NFIA: variants seen among roughly 807,000 people sequenced by gnomAD.
The protein encoded by NFIA is nuclear factor I A.
Under a neutral mutation model 62.8 loss-of-function variants are expected in NFIA, and 8 were observed. The ratio of observed to expected loss-of-function variants is 0.13; its 90% CI spans 0.07 to 0.23. The LOEUF is 0.23. NFIA is among the 10% of genes least tolerant of loss of function. NFIA has a pLI of 1.00. For synonymous variants in NFIA, 235 were observed against 238.1 expected (o/e 0.99, Z 0.12); for missense variants, 410 against 642.1 (o/e 0.64, Z 3.91).
chr1:61,394,963 C>T (rs926926315), intron 7 of NFIA, among the ~76,000 whole-genome samples: 14 of 152,156 alleles, frequency 9.2e-5, no homozygotes, highest in African/African-American at 2.6e-4. Context: ...AAAAATTAGC[C>T]GAGCGTGGTG....
At chr1:61,082,091 A>AT, upstream of NFIA, 2 of 1,521,668 alleles carry the variant, frequency 1.3e-6, no homozygotes, top group Non-Finnish European at 1.8e-6. Context: ...GGGGACGAGG[A>AT]AAAGTAGTTT....
chr1:61,123,349 G>A (rs1290065722), intron 2 of NFIA, among the ~76,000 whole-genome samples: 3 of 152,100 alleles, frequency 2.0e-5, no homozygotes, highest in Non-Finnish European at 2.9e-5. Context: ...GATTTCTTTC[G>A]TTTGTATATT....
At chr1:61,389,657 T>G (rs1302620920) in intron 7 of NFIA, among the ~76,000 whole-genome samples, 2 of 152,196 alleles carry the variant, frequency 1.3e-5, no homozygotes, top group Non-Finnish European at 2.9e-5. Context: ...ACAATTACTT[T>G]GTTTTCACAT....
chr1:61,422,481 A>G (rs1468573639), intron 9 of NFIA, among the ~76,000 whole-genome samples: 3 of 152,184 alleles, frequency 2.0e-5, no homozygotes, highest in South Asian at 2.1e-4. Flanking sequence ...GTTTTTGCAG[A>G]TATATCCCTT....
intron 7 of NFIA, among the ~76,000 whole-genome samples, chr1:61,386,681 T>A (rs1664703192): frequency 6.6e-6 from 1 of 152,212 alleles, no homozygotes; most frequent in Non-Finnish European, 1.5e-5. Context: ...TTTGGAAATT[T>A]CACAGCCACC....
At chr1:61,423,175 T>C (rs1160899047) in intron 9 of NFIA, among the ~76,000 whole-genome samples, 1 of 151,688 alleles carries the variant, frequency 6.6e-6, no homozygotes, top group Non-Finnish European at 1.5e-5. Context: ...AAGCTTCTTA[T>C]AGGAACATTC....
chr1:61,248,986 G>T (rs1019767315), intron 2 of NFIA: 1 of 152,172 alleles, frequency 6.6e-6, no homozygotes, highest in African/African-American at 2.4e-5. Flanking sequence ...TCTTAAGTAT[G>T]CAACCAATCT....
chr1:61,323,565 G>T (rs560018775), intron 3 of NFIA, among the ~76,000 whole-genome samples: 2 of 152,310 alleles, frequency 1.3e-5, no homozygotes, highest in South Asian at 4.2e-4. Context: ...TATCTCAAAT[G>T]TCACCAATGA....
rs77821566 is a variant in NFIA, at chr1:61,427,046, T to C, written c.1512+490T>C. 2.6e-3 allele frequency among the ~76,000 whole-genome samples: 393 copies of C among 152,266 alleles called. 1 individual carries two copies. Among genetic ancestry groups the C allele is most frequent in the African/African-American group, 9.1e-3 (377 of 41,546 alleles). ...ATGAGCCCTATTAAGTTGCTGGTGT[T>C]GGTCCAGAAATAAGACGTGTTTATT... On this transcript the variant is annotated intron_variant, in intron 10 of 10. Transcript: ENST00000403491.
intron 2 of NFIA, among the ~76,000 whole-genome samples, chr1:61,222,969 T>C (rs1654110505): frequency 6.6e-6 from 1 of 152,090 alleles, no homozygotes; most frequent in African/African-American, 2.4e-5. Flanking sequence ...GGCTTCACAA[T>C]TTAAACCAAA....
At chr1:61,314,283 G>T (rs1660259927) in intron 3 of NFIA, among the ~76,000 whole-genome samples, 1 of 152,172 alleles carries the variant, frequency 6.6e-6, no homozygotes, top group South Asian at 2.1e-4. Context: ...TGCTTCCTCT[G>T]TTGGCCTGCC....
intron 7 of NFIA, among the ~76,000 whole-genome samples, chr1:61,393,746 C>T (rs896058128): frequency 1.3e-5 from 2 of 152,056 alleles, no homozygotes; most frequent in African/African-American, 2.4e-5. Context: ...AACTGCTGGG[C>T]AGGCAAAAAT....
intron 3 of NFIA, among the ~76,000 whole-genome samples, chr1:61,302,092 G>A (rs1659524905): frequency 6.6e-6 from 1 of 152,174 alleles, no homozygotes; most frequent in Non-Finnish European, 1.5e-5. Context: ...TATGTGTTGT[G>A]ACAACTGCCA....
intron 2 of NFIA, among the ~76,000 whole-genome samples, chr1:61,178,838 G>A (rs189604881): frequency 7.9e-5 from 12 of 152,260 alleles, no homozygotes; most frequent in Non-Finnish European, 1.5e-4. Context: ...TAGTTTATTT[G>A]GGAGGTGATC....
chr1:61,328,222 A>T (rs766523404), intron 3 of NFIA, among the ~76,000 whole-genome samples: 3 of 151,164 alleles, frequency 2.0e-5, no homozygotes, highest in Non-Finnish European at 4.4e-5. Context: ...AACACATTGG[A>T]TTTGTCTCAG....
intron 2 of NFIA, among the ~76,000 whole-genome samples, chr1:61,117,973 C>G (rs914031982): frequency 1.2e-4 from 18 of 152,012 alleles, no homozygotes; most frequent in African/African-American, 4.1e-4. Flanking sequence ...TGCCTGAGAT[C>G]AGGAGTCCAA....
chr1:61,092,875 C>T lies in NFIA; in HGVS notation c.559+4195C>T, dbSNP rs1025927662. ...AAGATTAGGAGTGTCTGTGTAGGGG[C>T]GTGTGTGTGCTTCGTGTGCATGTGC... is the stretch of plus-strand genomic sequence containing the variant. On this transcript the variant is annotated intron_variant, in intron 2 of 10. Coordinates refer to ENST00000403491, the MANE Select transcript of NFIA (RefSeq NM_001134673.4). Among the ~76,000 whole-genome samples, 9 of 151,564 alleles carry T rather than the reference C, an allele frequency of 5.9e-5. No homozygotes were observed. In the South Asian group the frequency reaches 8.4e-4, roughly 14 times the overall value.
intron 2 of NFIA, among the ~76,000 whole-genome samples, chr1:61,189,470 T>C (rs1214454694): frequency 6.6e-6 from 1 of 151,958 alleles, no homozygotes; most frequent in African/African-American, 2.4e-5. Flanking sequence ...ATCGAGACTA[T>C]CCTGGCCAAC....
chr1:61,318,561 CG>C (rs1361066723), intron 3 of NFIA, among the ~76,000 whole-genome samples: 1 of 152,126 alleles, frequency 6.6e-6, no homozygotes, highest in Non-Finnish European at 1.5e-5. Flanking sequence ...GCTTGGCAGA[CG>C]CTCCCATGAA....
Sources: gnomAD v4.1 joint callset for allele counts (sites outside exome capture counted in the v4.1 genomes callset) on GRCh38, gnomAD v4.1.1 for gene constraint, MANE v1.5 for transcripts, NCBI Gene and HGNC (gene_info 2026-07-23, HGNC 2026-07-21) for gene names.